The following DPP6 variants were observed in gnomAD, a reference collection of about 807,000 sequenced individuals.
DPP6 encodes dipeptidyl peptidase like 6, also known as A-type potassium channel modulatory protein DPP6.
In DPP6, 69 loss-of-function variants were observed where a neutral mutation model predicts 122.6. That is an observed-to-expected ratio of 0.56 (90% CI 0.46 to 0.69). DPP6 has a LOEUF of 0.69. DPP6 is among the 30% of genes least tolerant of loss of function. The pLI is 0.00. For missense variants in DPP6, 928 were observed against 1,116.9 expected, an observed-to-expected ratio of 0.83 and a Z score of 2.41; for synonymous variants, 418 against 433.1, an observed-to-expected ratio of 0.97 and a Z score of 0.43.
intron 1 of DPP6, among the ~76,000 whole-genome samples, chr7:154,379,805 C>A (rs2151138996): frequency 6.6e-6 from 1 of 152,256 alleles, no homozygotes; most frequent in East Asian, 1.9e-4. Flanking sequence ...GTCTAGTGGA[C>A]ACAACTTAAG....
intron 16 of DPP6, among the ~76,000 whole-genome samples, chr7:154,813,598 G>A (rs1446213301): frequency 7.9e-5 from 12 of 151,980 alleles, no homozygotes; most frequent in East Asian, 1.9e-4. Flanking sequence ...ATACTTGTGC[G>A]AGGGATCAGC....
intron 1 of DPP6, among the ~76,000 whole-genome samples, chr7:153,991,085 G>A (rs1404893173): frequency 6.6e-5 from 10 of 152,164 alleles, no homozygotes; most frequent in African/African-American, 1.7e-4. Flanking sequence ...AGCAAATGCC[G>A]AGAAGAAATG....
At chr7:154,179,263 G>T (rs1012265237) in intron 1 of DPP6, among the ~76,000 whole-genome samples, 3 of 152,142 alleles carry the variant, frequency 2.0e-5, no homozygotes, top group South Asian at 2.1e-4. Flanking sequence ...TAGGAAATGT[G>T]ATATTTCTTG....
rs946332170 is a variant in DPP6, at chr7:154,892,565, A to AGGGGCGGGGC, written c.*96_*105dup. ...TTCCCTGCCCTCCCTCTTCCCTCGG[A>AGGGGCGGGGC]GGGGCGGGGCGGGGCGGGGCCGGGT... On this transcript the variant is annotated 3_prime_UTR_variant, in exon 26 of 26. Transcript: ENST00000377770. 1.5e-5 allele frequency: 10 copies of AGGGGCGGGGC among 684,712 alleles called. 2 individuals carry two copies. Among genetic ancestry groups the AGGGGCGGGGC allele is most frequent in the South Asian group, 1.1e-4 (8 of 69,632 alleles). The allele number at this position is 684,712 out of a possible 1,614,324, so 42.4% of individuals were successfully genotyped here. A position where few individuals can be genotyped will look rare whatever the true frequency, so the allele number is the denominator to read the frequency against.
chr7:154,136,458 A>C (rs147845392), intron 1 of DPP6, among the ~76,000 whole-genome samples: 1 of 152,218 alleles, frequency 6.6e-6, no homozygotes, highest in Non-Finnish European at 1.5e-5. Flanking sequence ...GGGGAACCAC[A>C]GAATCTTTAT....
chr7:154,833,174 T>A lies in DPP6; in HGVS notation c.1667-20606T>A, dbSNP rs1243051427. Among the ~76,000 whole-genome samples, 2 of 141,576 alleles carry A rather than the reference T, an allele frequency of 1.4e-5. No homozygotes were observed. The highest frequency in any genetic ancestry group is 6.2e-5 in the African/African-American group (2 of 32,128). 92.9% of individuals were successfully genotyped at this position (141,576 alleles called of 152,430 possible). ...CTCACGCCATGCAAGCAGCCTGGGC[T>A]CCGATGCACACAGGAGCAGTGCAGA... On this transcript the variant is annotated intron_variant, in intron 16 of 25. Coordinates refer to ENST00000377770, the MANE Select transcript of DPP6 (RefSeq NM_130797.4). The surrounding 1 kb of genome is among the most constrained non-coding windows in gnomAD (Gnocchi z 4.3).
chr7:154,623,588 C>T (rs1048578980), intron 5 of DPP6, among the ~76,000 whole-genome samples: 14 of 145,692 alleles, frequency 9.6e-5, no homozygotes, highest in African/African-American at 3.1e-4. Flanking sequence ...CACGCACACG[C>T]GCACACACAC....
chr7:154,238,124 C>T (rs1205179579), intron 1 of DPP6, among the ~76,000 whole-genome samples: 1 of 152,112 alleles, frequency 6.6e-6, no homozygotes, highest in African/African-American at 2.4e-5. Flanking sequence ...TTAATAACAC[C>T]ATCTGCCAGT....
At chr7:154,425,454 G>A (rs1817801043) in intron 1 of DPP6, among the ~76,000 whole-genome samples, 1 of 152,116 alleles carries the variant, frequency 6.6e-6, no homozygotes, top group Admixed American at 6.5e-5. Flanking sequence ...CACTACTGTG[G>A]TCTCTGCTCA....
intron 1 of DPP6, among the ~76,000 whole-genome samples, chr7:154,017,719 T>TAAAAAAAGAAAAAAAAAAA (rs1365239601): frequency 1.2e-5 from 1 of 83,736 alleles, no homozygotes; most frequent in East Asian, 3.0e-4. Context: ...AAAAAAAAAA[T>TAAAAAAAGAAAAAAAAAAA]AAAAAAATAA....
chr7:154,551,297 A>AT (rs1183202571), intron 4 of DPP6, among the ~76,000 whole-genome samples: 1 of 152,068 alleles, frequency 6.6e-6, no homozygotes, highest in Non-Finnish European at 1.5e-5. Flanking sequence ...GTGGGGAAAA[A>AT]TTTTTAGCAG....
intron 1 of DPP6, among the ~76,000 whole-genome samples, chr7:154,258,990 T>C (rs955593234): frequency 7.3e-6 from 1 of 136,930 alleles, no homozygotes; most frequent in African/African-American, 2.5e-5. Flanking sequence ...GAAAAGGCTA[T>C]AGTTGTGAGT....
chr7:153,791,575 C>A, the DPP6 span, among the ~76,000 whole-genome samples: 1 of 152,000 alleles, frequency 6.6e-6, no homozygotes. Flanking sequence ...GTGCCCACCA[C>A]CACATCCAGC....
intron 11 of DPP6, among the ~76,000 whole-genome samples, chr7:154,794,996 G>A (rs538887408): frequency 6.6e-6 from 1 of 152,274 alleles, no homozygotes; most frequent in South Asian, 2.1e-4. Flanking sequence ...CTGTGCCTGA[G>A]ATCCTAAGCA....
chr7:153,832,210 T>G, the DPP6 span, among the ~76,000 whole-genome samples: 3 of 152,242 alleles, frequency 2.0e-5, no homozygotes, highest in African/African-American at 7.2e-5. Flanking sequence ...TAGCCTACTT[T>G]AGATTTCAGC....
At chr7:154,485,603 G>GCTTAAA (rs1448411964) in intron 3 of DPP6, among the ~76,000 whole-genome samples, 1 of 152,146 alleles carries the variant, frequency 6.6e-6, no homozygotes, top group Non-Finnish European at 1.5e-5. Flanking sequence ...ACAATTATTT[G>GCTTAAA]CTTAAACTTC....
At chr7:154,532,732 AT>A (rs34692320) in intron 3 of DPP6, among the ~76,000 whole-genome samples, 1 of 151,880 alleles carries the variant, frequency 6.6e-6, no homozygotes, top group African/African-American at 2.4e-5. Flanking sequence ...ATGCATGCAT[AT>A]TTTTTAAATT....
At chr7:154,701,799 C>G (rs935464836) in intron 7 of DPP6, among the ~76,000 whole-genome samples, 7 of 152,202 alleles carry the variant, frequency 4.6e-5, no homozygotes, top group African/African-American at 1.7e-4. Flanking sequence ...GTGAGATCTC[C>G]TCCAGAAACA....
intron 8 of DPP6, among the ~76,000 whole-genome samples, chr7:154,761,531 T>A (rs976887780): frequency 1.3e-5 from 2 of 152,162 alleles, no homozygotes; most frequent in Admixed American, 6.5e-5. Context: ...AGAGGTTTAA[T>A]TGGCTCCCAG....
Sources: allele counts gnomAD v4.1 joint callset (sites outside exome capture counted in the v4.1 genomes callset), GRCh38; gene constraint gnomAD v4.1.1; non-coding constraint Gnocchi (gnomAD v3.1); transcripts MANE v1.5; gene names NCBI Gene and HGNC (gene_info 2026-07-23, HGNC 2026-07-21).